The following CCDC7 variants were observed in gnomAD, a reference collection of about 807,000 sequenced individuals.
The protein encoded by CCDC7 is coiled-coil domain-containing protein 7.
A neutral mutation model predicts 196.9 loss-of-function variants in CCDC7; 183 were observed. The ratio of observed to expected loss-of-function variants is 0.93; its 90% CI spans 0.82 to 1.05. The LOEUF (loss-of-function observed/expected upper bound fraction) is 1.05, where lower values mean the gene tolerates loss of function less well. Among genes scored for constraint, CCDC7 ranks in the 50% least tolerant of loss-of-function variants. The pLI, the probability that CCDC7 is intolerant of heterozygous loss-of-function variation, is 0.00. For synonymous variants in CCDC7, 525 were observed against 484.6 expected, an observed-to-expected ratio of 1.08 and a Z score of -1.10; for missense variants, 1,540 against 1,482.2, an observed-to-expected ratio of 1.04 and a Z score of -0.64.
chr10:32,792,913 A>G (rs2082948406), intron 29 of CCDC7, among the ~76,000 whole-genome samples: 1 of 152,220 alleles, frequency 6.6e-6, no homozygotes, highest in African/African-American at 2.4e-5. Context: ...GGTAGGCAGC[A>G]AAAGAGAAGG....
chr10:32,726,790 C>G, exon 26 of CCDC7: 1 of 1,600,468 alleles, frequency 6.2e-7, no homozygotes, highest in South Asian at 1.1e-5. Context: ...ACTCCAAATG[C>G]AAGAAAAGAA....
intron 21 of CCDC7, among the ~76,000 whole-genome samples, chr10:32,676,224 G>A (rs1229539286): frequency 5.0e-5 from 6 of 120,726 alleles, no homozygotes; most frequent in Non-Finnish European, 1.1e-4. Context: ...ATTAATTCAC[G>A]TGGATTAAAG....
intron 11 of CCDC7, among the ~76,000 whole-genome samples, chr10:32,526,150 C>T (rs946385569): frequency 2.0e-5 from 3 of 152,234 alleles, no homozygotes; most frequent in African/African-American, 7.2e-5. Context: ...TCTTCCCACT[C>T]TGCCTTGCAT....
chr10:32,482,598 G>C (rs145650119), intron 8 of CCDC7, among the ~76,000 whole-genome samples: 6,516 of 152,092 alleles, frequency 0.043, 146 homozygotes, highest in Middle Eastern at 0.065. Context: ...GCTGCACCCA[G>C]TGACTCGTCA....
chr10:32,664,089 G>T lies in CCDC7; in HGVS notation c.2050G>T (p.Glu684Ter). 2.5e-6 allele frequency: 1 copy of T among 396,310 alleles called. No homozygotes were observed. Among genetic ancestry groups the T allele is most frequent in the South Asian group, 1.3e-4 (1 of 7,798 alleles). 24.5% of individuals were successfully genotyped at this position (396,310 alleles called of 1,614,324 possible). ...TGTACCAGAAGAAAATCTTATGCTT[G>T]AACAAGACACAAAGTCAAAAACGGA... Residue 684 changes from glutamate to a stop codon, truncating the protein, a stop_gained, in exon 21 of 42, where the codon GAA (glutamate) becomes TAA (stop). Transcript: ENST00000639629. LOFTEE classifies it high-confidence loss of function.
intron 11 of CCDC7, among the ~76,000 whole-genome samples, chr10:32,535,498 G>A (rs892446700): frequency 4.6e-5 from 7 of 152,092 alleles, no homozygotes; most frequent in Admixed American, 2.0e-4. Context: ...GGAAGGATGC[G>A]TGTGTGGGGT....
chr10:32,761,785 A>G (rs1323567095), intron 28 of CCDC7, among the ~76,000 whole-genome samples: 5 of 151,968 alleles, frequency 3.3e-5, no homozygotes, highest in Non-Finnish European at 7.4e-5. Context: ...TAAAAACTGG[A>G]ATGAGGAAAT....
At chr10:32,681,404 C>T (rs576036779) in intron 21 of CCDC7, among the ~76,000 whole-genome samples, 1 of 152,114 alleles carries the variant, frequency 6.6e-6, no homozygotes, top group African/African-American at 2.4e-5. Context: ...ACTGACTGAA[C>T]AATACAGTCA....
At chr10:32,848,396 C>G (rs1424204709) in intron 38 of CCDC7, among the ~76,000 whole-genome samples, 200 bp from the exon 40 acceptor site, 1 of 151,946 alleles carries the variant, frequency 6.6e-6, no homozygotes, top group African/African-American at 2.4e-5. Flanking sequence ...AAGATACTGT[C>G]ACAGAATGCA....
intron 28 of CCDC7, among the ~76,000 whole-genome samples, chr10:32,758,457 ATAAAG>A (rs1451843219): frequency 2.6e-5 from 4 of 152,202 alleles, no homozygotes; most frequent in African/African-American, 9.6e-5. Flanking sequence ...ATAAAAATCA[ATAAAG>A]TAATCCATCA....
At chr10:32,529,549 A>ATTGG (rs1378953958) in intron 11 of CCDC7, among the ~76,000 whole-genome samples, 3 of 151,962 alleles carry the variant, frequency 2.0e-5, no homozygotes, top group African/African-American at 7.2e-5. Flanking sequence ...TTTTATGTTT[A>ATTGG]TTGGCCATTT....
chr10:32,447,232 C>T (rs76428575), upstream of CCDC7, among the ~76,000 whole-genome samples: 257 of 152,244 alleles, frequency 1.7e-3, 4 homozygotes, highest in East Asian at 0.019. Context: ...TTACAAATGA[C>T]CTACCTCCAT....
intron 41 of CCDC7, among the ~76,000 whole-genome samples, chr10:32,856,411 A>G (rs1342238548): frequency 6.6e-6 from 1 of 152,158 alleles, no homozygotes; most frequent in East Asian, 1.9e-4. Context: ...CCAGCCTCCT[A>G]GAGAAACACT....
chr10:32,732,715 A>G (rs1319760989), intron 28 of CCDC7, among the ~76,000 whole-genome samples: 1 of 152,154 alleles, frequency 6.6e-6, no homozygotes, highest in Non-Finnish European at 1.5e-5. Context: ...CACAGTAGAA[A>G]GAAAGATAGA....
chr10:32,864,968 C>A (rs1454548360), intron 41 of CCDC7, among the ~76,000 whole-genome samples: 1 of 151,862 alleles, frequency 6.6e-6, no homozygotes, highest in Non-Finnish European at 1.5e-5. Context: ...GCACAGAAAT[C>A]AAGATGAATC....
At chr10:32,751,100 T>G (rs1411708657) in intron 28 of CCDC7, among the ~76,000 whole-genome samples, 2 of 152,092 alleles carry the variant, frequency 1.3e-5, no homozygotes, top group Non-Finnish European at 2.9e-5. Flanking sequence ...TCACTAGTCT[T>G]TGCCTCCACC....
intron 21 of CCDC7, among the ~76,000 whole-genome samples, chr10:32,681,278 T>C (rs1253199496): frequency 6.6e-6 from 1 of 152,164 alleles, no homozygotes; most frequent in East Asian, 1.9e-4. Context: ...TGGGAGGTAG[T>C]GCTGGGGAAG....
intron 8 of CCDC7, among the ~76,000 whole-genome samples, chr10:32,489,345 C>T (rs181588046): frequency 5.3e-5 from 8 of 152,270 alleles, no homozygotes; most frequent in Admixed American, 4.6e-4. Context: ...TGCAGAGCCA[C>T]ATTCTGGAAT....
chr10:32,877,580 A>C (rs917182046), downstream of CCDC7, among the ~76,000 whole-genome samples: 2 of 152,118 alleles, frequency 1.3e-5, no homozygotes, highest in African/African-American at 4.8e-5. Context: ...GCCCCTATGA[A>C]CTACCTGGAT....
Sources: allele counts gnomAD v4.1 joint callset (sites outside exome capture counted in the v4.1 genomes callset), GRCh38; gene constraint gnomAD v4.1.1; transcripts MANE v1.5; gene names NCBI Gene and HGNC (gene_info 2026-07-23, HGNC 2026-07-21).